Variants in LIMS1 observed in about 807,000 individuals in gnomAD.
LIMS1 encodes LIM and senescent cell antigen-like-containing domain protein 1.
A neutral mutation model predicts 44.1 loss-of-function variants in LIMS1; 18 were observed. That is an observed-to-expected ratio of 0.41 (90% CI 0.28 to 0.61). The LOEUF (loss-of-function observed/expected upper bound fraction) is 0.61. Ranked by LOEUF, LIMS1 falls within the 20% of genes least tolerant of loss-of-function variation. LIMS1 has a pLI of 0.32. For missense variants in LIMS1, 201 were observed against 422.0 expected, an observed-to-expected ratio of 0.48 and a Z score of 4.59; for synonymous variants, 93 against 149.1, an observed-to-expected ratio of 0.62 and a Z score of 2.74.
At chr2:108,661,336 C>CT (rs200878283) in intron 2 of LIMS1, among the ~76,000 whole-genome samples, 65,802 of 146,024 alleles carry the variant, frequency 0.45, 15,401 homozygotes, top group East Asian at 0.93. Flanking sequence ...TCTTCTAGTT[C>CT]TTTTTTTTTT....
chr2:108,668,399 T>G lies in LIMS1; in HGVS notation c.193-2382T>G, dbSNP rs190505956. ...CCATTCTCCCCAGCCTCCAGCAACC[T>G]CTATTTTACTCTCTATTTCTATGAA... On this transcript the variant is annotated intron_variant, in intron 2 of 9. Transcript: ENST00000544547. 5.0e-3 allele frequency among the ~76,000 whole-genome samples: 766 copies of G among 152,276 alleles called. 6 individuals are homozygous for G. Among genetic ancestry groups the G allele is most frequent in the African/African-American group, 0.018 (727 of 41,534 alleles).
intron 1 of LIMS1, among the ~76,000 whole-genome samples, chr2:108,556,687 G>A (rs1684934662): frequency 6.6e-6 from 1 of 152,136 alleles, no homozygotes; most frequent in African/African-American, 2.4e-5. Flanking sequence ...TATACCACTG[G>A]AGGCTATATG....
At chr2:108,605,160 C>T (rs1433280764) in intron 1 of LIMS1, among the ~76,000 whole-genome samples, 1 of 151,914 alleles carries the variant, frequency 6.6e-6, no homozygotes, top group Non-Finnish European at 1.5e-5. Flanking sequence ...CTGGAGAGCA[C>T]GGTTGTAACA....
At chr2:108,621,876 C>T (rs2148874451) in intron 1 of LIMS1, among the ~76,000 whole-genome samples, 1 of 152,040 alleles carries the variant, frequency 6.6e-6, no homozygotes, top group East Asian at 1.9e-4. Flanking sequence ...GGAGGGGTGC[C>T]ATGGAGATTG....
At chr2:108,617,277 G>T (rs2148864967) in intron 1 of LIMS1, among the ~76,000 whole-genome samples, 1 of 152,294 alleles carries the variant, frequency 6.6e-6, no homozygotes, top group South Asian at 2.1e-4. Context: ...GCAACAGGAT[G>T]CTAAAAGCTG....
At chr2:108,534,266 CCGCCCCGCAA>C (rs1332441294), upstream of LIMS1, 1 of 167,998 alleles carries the variant, frequency 6.0e-6, no homozygotes, top group Non-Finnish European at 1.3e-5. Context: ...GATGCGCGCC[CCGCCCCGCAA>C]CGCCCCGCCC....
rs115334698 is a variant in LIMS1, at chr2:108,595,876, C to T, written c.32+61282C>T. On this transcript the variant is annotated intron_variant, in intron 1 of 9. Transcript: ENST00000544547. ...ATCATTTTTAAACTCAACAGTTCAA[C>T]AGTGTTAAGTACACAAGAAGTTGCA... Among the ~76,000 whole-genome samples, 1,007 of 152,154 alleles carry T rather than the reference C, an allele frequency of 6.6e-3. 5 individuals are homozygous for T. Among genetic ancestry groups the T allele is most frequent in the Non-Finnish European group, 0.012 (782 of 67,992 alleles).
Position 108,607,262 on chromosome 2 carries a change from G to A in LIMS1, c.33-52343G>A, listed in dbSNP as rs1258315297. ...AATCAAGATACATGACATGGTGAGT[G>A]CTGCTGCACAATATTGAGCTGTTCC... On this transcript the variant is annotated intron_variant, in intron 1 of 9. Transcript: ENST00000544547. 5 of 1,550,842 alleles carry A rather than the reference G, an allele frequency of 3.2e-6. No homozygotes were observed. In the East Asian group the frequency reaches 1.2e-4, roughly 38 times the overall value.
chr2:108,623,271 C>G (rs1275464950), intron 1 of LIMS1, among the ~76,000 whole-genome samples: 1 of 151,498 alleles, frequency 6.6e-6, no homozygotes, highest in Admixed American at 6.6e-5. Flanking sequence ...TTATACTAAG[C>G]CTATTTTCAG....
At position 108,615,266 on chromosome 2, in the gene LIMS1, A is replaced by C. The variant is rs145754596; in HGVS notation, c.33-44339A>C. ...TTTAAAAATAAGTTCATTTAGGGAA[A>C]GAAAAATTATTCTATGTGCTAAAGT... is the stretch of plus-strand genomic sequence containing the variant. On this transcript the variant is annotated intron_variant, in intron 1 of 9. Coordinates refer to ENST00000544547, the Ensembl canonical transcript of LIMS1. Among the ~76,000 whole-genome samples the C allele has an allele frequency of 4.4e-3, 671 of 152,352 alleles. 4 individuals are homozygous for C. Among genetic ancestry groups the C allele is most frequent in the South Asian group, 0.014 (68 of 4,814 alleles).
At chr2:108,621,874 G>T (rs1688267777) in intron 1 of LIMS1, among the ~76,000 whole-genome samples, 2 of 152,154 alleles carry the variant, frequency 1.3e-5, no homozygotes, top group Admixed American at 1.3e-4. Flanking sequence ...GGGGAGGGGT[G>T]CCATGGAGAT....
At chr2:108,614,778 C>T (rs1687842308) in intron 1 of LIMS1, among the ~76,000 whole-genome samples, 1 of 152,072 alleles carries the variant, frequency 6.6e-6, no homozygotes, top group African/African-American at 2.4e-5. Flanking sequence ...ATTTTGATAA[C>T]CTGGTAAAAA....
At chr2:108,587,290 T>TTGTGTGTGTGTG (rs58815332) in intron 1 of LIMS1, among the ~76,000 whole-genome samples, 51 of 106,076 alleles carry the variant, frequency 4.8e-4, no homozygotes, top group Middle Eastern at 9.3e-3. Context: ...TTCTTGGGGT[T>TTGTGTGTGTGTG]TGTGTGTGTG....
At chr2:108,567,290 G>A (rs1003052297) in intron 1 of LIMS1, among the ~76,000 whole-genome samples, 2 of 152,120 alleles carry the variant, frequency 1.3e-5, no homozygotes, top group South Asian at 2.1e-4. Flanking sequence ...AATCGTCGCA[G>A]TGTGAGTGGG....
chr2:108,634,647 T>G (rs1689112490), intron 1 of LIMS1, among the ~76,000 whole-genome samples: 2 of 152,230 alleles, frequency 1.3e-5, no homozygotes, highest in Admixed American at 1.3e-4. Flanking sequence ...CATGGTCCTT[T>G]TCACCACAAA....
intron 1 of LIMS1, among the ~76,000 whole-genome samples, chr2:108,602,283 CTTTA>C (rs1295253430): frequency 1.3e-5 from 2 of 152,080 alleles, no homozygotes; most frequent in Admixed American, 6.5e-5. Context: ...TTTGGATGCC[CTTTA>C]TTTCTCTTCT....
rs558063357 is a variant in LIMS1 at position 108,682,499 on chromosome 2, C to CAAAAAAT, written c.900-1372_900-1366dup. ...TGGGCGACAGAGTGAGACTCTGTCT[C>CAAAAAAT]AAAAAATAAAAAATAAAAAAGATTA... On this transcript the variant is annotated intron_variant, in intron 9 of 9. Coordinates refer to ENST00000544547, the Ensembl canonical transcript of LIMS1. 4.8e-3 allele frequency among the ~76,000 whole-genome samples: 725 copies of CAAAAAAT among 151,316 alleles called. 2 individuals carry two copies. Among genetic ancestry groups the CAAAAAAT allele is most frequent in the Non-Finnish European group, 6.4e-3 (433 of 67,858 alleles).
At chr2:108,636,133 A>G (rs1460568504) in intron 1 of LIMS1, among the ~76,000 whole-genome samples, 3 of 152,224 alleles carry the variant, frequency 2.0e-5, no homozygotes, top group Non-Finnish European at 1.5e-5. Context: ...CGGACCCTAG[A>G]GCTGAGTTAG....
chr2:108,662,174 C>A lies in LIMS1; in HGVS notation c.192+2410C>A, dbSNP rs964517272. ...TGGCTTGCTCTTTCCCCTGTGAGCA[C>A]CCTGTAGCTCCAGCCCTCCGTCACC... On this transcript the variant is annotated intron_variant, in intron 2 of 9. Transcript: ENST00000544547. The A allele has an allele frequency of 1.9e-6, 3 of 1,611,872 alleles. No homozygotes were observed. The East Asian group carries it at 6.7e-5, about 36-fold the overall frequency.
Sources: gnomAD v4.1 joint callset for allele counts (sites outside exome capture counted in the v4.1 genomes callset) on GRCh38, gnomAD v4.1.1 for gene constraint, MANE v1.5 for transcripts, NCBI Gene and HGNC (gene_info 2026-07-23, HGNC 2026-07-21) for gene names.